Variants in RIOK2 observed in about 807,000 individuals in gnomAD.
RIOK2 encodes RIO kinase 2.
Under a neutral mutation model 62.4 loss-of-function variants are expected in RIOK2, and 46 were observed. The observed-to-expected ratio is 0.74, with a 90% CI of 0.58 to 0.94. RIOK2 has a LOEUF of 0.94. Among genes scored for constraint, RIOK2 ranks in the 40% least tolerant of loss-of-function variants. The probability of loss-of-function intolerance (pLI) is 0.00; values close to 1 mark genes in which losing one functional copy is unlikely to be tolerated. For missense variants in RIOK2, 574 were observed against 658.0 expected, an observed-to-expected ratio of 0.87 and a Z score of 1.40; for synonymous variants, 197 against 216.0, an observed-to-expected ratio of 0.91 and a Z score of 0.77.
chr5:97,183,022 C>T, intron 1 of RIOK2, 104 bp downstream of exon 1: 2 of 1,224,924 alleles, frequency 1.6e-6, no homozygotes, highest in South Asian at 1.2e-5. Context: ...TGCCACGTCC[C>T]GGGTCCCAGA....
At chr5:97,166,130 G>T (rs1221366652) in intron 8 of RIOK2, 1 of 270,882 alleles carries the variant, frequency 3.7e-6, no homozygotes, top group African/African-American at 2.3e-5. Flanking sequence ...TGTACCATGG[G>T]CTCTCCTTGG....
chr5:97,164,649 T>A (rs1016463380), intron 9 of RIOK2, among the ~76,000 whole-genome samples: 2 of 152,218 alleles, frequency 1.3e-5, no homozygotes, highest in Non-Finnish European at 2.9e-5. Flanking sequence ...TCAGCTCATA[T>A]GAAGAATGAC....
At chr5:97,165,689 A>G (rs1188347904) in intron 8 of RIOK2, among the ~76,000 whole-genome samples, 1 of 152,244 alleles carries the variant, frequency 6.6e-6, no homozygotes, top group African/African-American at 2.4e-5. Flanking sequence ...TTTTTCAGCA[A>G]CATCTGCTGT....
At chr5:97,174,772 A>T (rs78428929) in intron 4 of RIOK2, among the ~76,000 whole-genome samples, 66 of 147,756 alleles carry the variant, frequency 4.5e-4, no homozygotes, top group Admixed American at 8.0e-4. Flanking sequence ...GTATATAATT[A>T]AAAAAAAAAT....
chr5:97,164,026 G>A (rs114565400), intron 9 of RIOK2, among the ~76,000 whole-genome samples: 4,904 of 151,966 alleles, frequency 0.032, 137 homozygotes, highest in Admixed American at 0.069. Context: ...CTGAGTAGCT[G>A]GGAATACAGG....
Position 97,166,937 on chromosome 5 carries a change from C to T in RIOK2, c.1397+530G>A, listed in dbSNP as rs769415330. On this transcript the variant is annotated intron_variant, in intron 8 of 9. Coordinates refer to ENST00000283109, the MANE Select transcript of RIOK2 (RefSeq NM_018343.3). Reference sequence around the variant, plus strand: ...TGTATATATATATATATTTTTGAGACGGAGTTTTTTGCTCGTCACCCAGGC... The same window carrying T: ...TGTATATATATATATATTTTTGAGATGGAGTTTTTTGCTCGTCACCCAGGC... 146 of 941,960 alleles carry T rather than the reference C, an allele frequency of 1.5e-4. 1 individual carries two copies. Among genetic ancestry groups the T allele is most frequent in the East Asian group, 1.4e-3 (12 of 8,690 alleles). The allele number at this position is 941,960 out of a possible 1,614,324, so 58.4% of individuals were successfully genotyped here.
At chr5:97,174,998 C>T (rs982925341) in intron 4 of RIOK2, among the ~76,000 whole-genome samples, 1 of 151,952 alleles carries the variant, frequency 6.6e-6, no homozygotes, top group Admixed American at 6.6e-5. Context: ...GTAGGGGCTG[C>T]AGTGAGCCGT....
At chr5:97,173,471 A>G (rs572813099) in intron 4 of RIOK2, among the ~76,000 whole-genome samples, 30 of 152,342 alleles carry the variant, frequency 2.0e-4, no homozygotes, top group East Asian at 1.7e-3. Flanking sequence ...CAAAAGTTTG[A>G]ATTCACTTTT....
intron 1 of RIOK2, among the ~76,000 whole-genome samples, chr5:97,180,126 G>GTATATA (rs1339692700): frequency 1.9e-4 from 6 of 30,786 alleles, no homozygotes; most frequent in African/African-American, 5.2e-4. Flanking sequence ...ATGTGTATAT[G>GTATATA]TATATATATA....
At chr5:97,166,248 G>A (rs771784620) in intron 8 of RIOK2, 69 of 453,976 alleles carry the variant, frequency 1.5e-4, no homozygotes, top group African/African-American at 1.1e-3. Flanking sequence ...GAAGAATCCA[G>A]TCTAATACAA....
At chr5:97,179,994 T>TATATATATAATATATATATA (rs1749305346) in intron 1 of RIOK2, among the ~76,000 whole-genome samples, 1 of 48,304 alleles carries the variant, frequency 2.1e-5, no homozygotes, top group African/African-American at 9.6e-5. Flanking sequence ...ATATATAAAA[T>TATATATATAATATATATATA]ATATATATAT....
At chr5:97,180,767 A>G (rs1285344319) in intron 1 of RIOK2, among the ~76,000 whole-genome samples, 1 of 152,168 alleles carries the variant, frequency 6.6e-6, no homozygotes, top group Non-Finnish European at 1.5e-5. Context: ...TACTGGAAGG[A>G]AGGAATAAAA....
Position 97,161,642 on chromosome 5 carries a change from C to A in RIOK2, c.*1419G>T, listed in dbSNP as rs978943440. On this transcript the variant is annotated 3_prime_UTR_variant, in exon 10 of 10. Coordinates refer to ENST00000283109, the MANE Select transcript of RIOK2 (RefSeq NM_018343.3). ...TAAAAATCATGTTTGTCTTGAGTTT[C>A]TTAATAGTAATGGGCTTTTTATGTA... 1.3e-5 allele frequency: 2 copies of A among 152,114 alleles called. No homozygotes were observed. Among genetic ancestry groups the A allele is most frequent in the Admixed American group, 1.3e-4 (2 of 15,256 alleles). The allele number at this position is 152,114 out of a possible 1,614,324, so 9.4% of individuals were successfully genotyped here. A position where few individuals can be genotyped will look rare whatever the true frequency, so the allele number is the denominator to read the frequency against.
At chr5:97,178,636 CT>C (rs1221072982) in intron 2 of RIOK2, among the ~76,000 whole-genome samples, 1 of 141,320 alleles carries the variant, frequency 7.1e-6, no homozygotes, top group Admixed American at 7.2e-5. Context: ...CCTACGTGCT[CT>C]TCTGTACTCT....
chr5:97,183,072 A>T, intron 1 of RIOK2, 54 bp downstream of exon 1: 2 of 1,582,698 alleles, frequency 1.3e-6, no homozygotes, highest in Non-Finnish European at 1.7e-6. Flanking sequence ...CAGGAACAGG[A>T]AGAGGTCACA....
In RIOK2 at chr5:97,171,663, C is replaced by T. The variant is rs545245099; in HGVS notation, c.588-266G>A. ...TACATGTGCTTTTCCAATTTGTTTC[C>T]TCCTACTCTCTCATACCATTTCAAA... On this transcript the variant is annotated intron_variant, in intron 5 of 9. Coordinates refer to ENST00000283109, the MANE Select transcript of RIOK2 (RefSeq NM_018343.3). 2.0e-3 allele frequency among the ~76,000 whole-genome samples: 297 copies of T among 152,192 alleles called. 2 individuals carry two copies. The highest frequency in any genetic ancestry group is 6.9e-3 in the African/African-American group (286 of 41,512).
At chr5:97,167,242 A>T in intron 8 of RIOK2, 1 of 1,412,532 alleles carries the variant, frequency 7.1e-7, no homozygotes, top group East Asian at 2.6e-5. Flanking sequence ...ATTTTAAGGC[A>T]GAATTACTTG....
intron 7 of RIOK2, among the ~76,000 whole-genome samples, 161 bp from the exon 8 acceptor site, chr5:97,168,152 G>C (rs1748899250): frequency 1.3e-5 from 2 of 151,988 alleles, no homozygotes; most frequent in African/African-American, 2.4e-5. Flanking sequence ...AATGACACAG[G>C]TAAACAAATA....
At position 97,167,787 on chromosome 5, in the gene RIOK2, T is replaced by C. The variant is rs1421372166; in HGVS notation, c.1077A>G (p.Leu359=). ...GSENESERNC[L]EESEGCYCRS... ...TGCAATAGCAGCCCTCTGATTCTTC[T>C]AGACAGTTCCGTTCACTTTCATTTT... The change falls in exon 8 of 10, where the codon CTA becomes CTG. Residue 359 remains leucine (L), a synonymous_variant. Transcript: ENST00000283109. 1.2e-6 allele frequency: 2 copies of C among 1,614,066 alleles called. No homozygotes were observed. The highest frequency in any genetic ancestry group is 2.7e-5 in the African/African-American group (2 of 74,954).
Sources: gnomAD v4.1 joint callset for allele counts (sites outside exome capture counted in the v4.1 genomes callset) on GRCh38, gnomAD v4.1.1 for gene constraint, MANE v1.5 for transcripts, NCBI Gene and HGNC (gene_info 2026-07-23, HGNC 2026-07-21) for gene names.